TMEM258: variants seen among roughly 807,000 people sequenced by gnomAD.
TMEM258 encodes the protein transmembrane protein 258.
In TMEM258, 11 loss-of-function variants were observed where a neutral mutation model predicts 9.9. The observed-to-expected ratio is 1.11, with a 90% CI of 0.70 to 1.85. The LOEUF (loss-of-function observed/expected upper bound fraction) is 1.85, where lower values mean the gene tolerates loss of function less well. Among genes scored for constraint, TMEM258 ranks in the 40% most tolerant of loss-of-function variants. The pLI, the probability that TMEM258 is intolerant of heterozygous loss-of-function variation, is 0.00. For missense variants in TMEM258, 81 were observed against 99.7 expected, an observed-to-expected ratio of 0.81 and a Z score of 0.80; for synonymous variants, 40 against 39.1, an observed-to-expected ratio of 1.02 and a Z score of -0.09.
At chr11:61,792,437 G>A (rs999089051) in intron 1 of TMEM258, 119 bp downstream of exon 1, 59 of 1,442,618 alleles carry the variant, frequency 4.1e-5, no homozygotes, top group Admixed American at 1.0e-4. Context: ...AGCCCAAGCC[G>A]GAGGTTCCAG....
At chr11:61,792,423 C>T in intron 1 of TMEM258, 133 bp downstream of exon 1, 1 of 1,346,860 alleles carries the variant, frequency 7.4e-7, no homozygotes, top group Non-Finnish European at 1.1e-6. Flanking sequence ...CTTCCCCACC[C>T]TTCAGCCCAA....
intron 2 of TMEM258, chr11:61,790,272 C>G: frequency 3.3e-6 from 2 of 597,668 alleles, no homozygotes; most frequent in Non-Finnish European, 5.9e-6. Context: ...AGGTCCCCTG[C>G]TCACTGTCCT....
intron 2 of TMEM258, 167 bp downstream of exon 2, chr11:61,790,326 A>C: frequency 1.5e-6 from 1 of 661,806 alleles, no homozygotes. Context: ...CTTGGGAAAT[A>C]AGGCTATAAC....
chr11:61,791,348 C>T (rs1250384823), intron 1 of TMEM258: 2 of 152,016 alleles, frequency 1.3e-5, no homozygotes, highest in East Asian at 3.9e-4. Context: ...CTGCAAGCTC[C>T]GCCTTCTGGG....
At chr11:61,792,510 G>T in intron 1 of TMEM258, 46 bp downstream of exon 1, 1 of 1,613,700 alleles carries the variant, frequency 6.2e-7, no homozygotes, top group Non-Finnish European at 8.5e-7. Flanking sequence ...GTCAGACCCC[G>T]AGGGGTCCTC....
chr11:61,790,552 G>T lies in TMEM258; in HGVS notation c.54C>A (p.Phe18Leu). 2 of 1,614,154 alleles carry T rather than the reference G, an allele frequency of 1.2e-6. No individual in the cohort carries two copies. The highest frequency in any genetic ancestry group is 8.5e-7 in the Non-Finnish European group (1 of 1,180,016). Residue 18 changes from phenylalanine (F) to leucine (L), a missense_variant, in exon 2 of 4, where the codon TTC (phenylalanine) becomes TTA (leucine). Coordinates refer to ENST00000537328, the MANE Select transcript of TMEM258 (RefSeq NM_014206.4). ...RYTSPVNPAV[F>L]PHLTVVLLAI... The stretch of plus-strand genomic sequence containing the variant: ...CCAAAAGCACCACGGTCAGATGGGG[G>T]AAGACAGCTGGGTTCACTGGGCTGG...
chr11:61,790,389 A>T, intron 2 of TMEM258, 104 bp downstream of exon 2: 1 of 1,013,722 alleles, frequency 9.9e-7, no homozygotes, highest in Non-Finnish European at 1.5e-6. Flanking sequence ...TCTCAGCCCC[A>T]ATCCAATGTA....
intron 2 of TMEM258, 71 bp downstream of exon 2, chr11:61,790,421 AC>A (rs774374894): frequency 2.2e-6 from 3 of 1,366,162 alleles, no homozygotes; most frequent in Non-Finnish European, 3.1e-6. Flanking sequence ...GGGTCCATGT[AC>A]CTAGCGTGGT....
chr11:61,790,528 CAAAAGCACCACGGTCAG>C lies in TMEM258; in HGVS notation c.61_77del (p.Leu21GlyfsTer23). 2 of 1,614,134 alleles carry C rather than the reference CAAAAGCACCACGGTCAG, an allele frequency of 1.2e-6. No individual in the cohort carries two copies. Among genetic ancestry groups the C allele is most frequent in the South Asian group, 2.2e-5 (2 of 91,062 alleles). ...AGGCGGTGAAGAACATGCCAATGGC[CAAAAGCACCACGGTCAG>C]ATGGGGGAAGACAGCTGGGTTCACT... On this transcript the variant is annotated frameshift_variant, in exon 2 of 4. Coordinates refer to ENST00000537328, the MANE Select transcript of TMEM258 (RefSeq NM_014206.4). LOFTEE classifies it high-confidence loss of function.
In TMEM258 at chr11:61,792,100, G is replaced by A. The variant is rs537925132; in HGVS notation, c.3+456C>T. 1.9e-5 allele frequency: 3 copies of A among 161,940 alleles called. No individual in the cohort carries two copies. The Admixed American group carries it at 1.9e-4, about 10-fold the overall frequency. The allele number at this position is 161,940 out of a possible 1,614,324, so 10.0% of individuals were successfully genotyped here. A position where few individuals can be genotyped will look rare whatever the true frequency, so the allele number is the denominator to read the frequency against. On this transcript the variant is annotated intron_variant, in intron 1 of 3. Coordinates refer to ENST00000537328, the MANE Select transcript of TMEM258 (RefSeq NM_014206.4). ...CCCAGAGCTAGATGCGCGTCAGACGGTGGTCACTAGGAGGCGTGGCCGAAA... is the reference window on the plus strand; with the variant it reads ...CCCAGAGCTAGATGCGCGTCAGACGATGGTCACTAGGAGGCGTGGCCGAAA...
rs751349399 is a variant in TMEM258, at chr11:61,792,567, G to A, written c.-9C>T. 2.5e-6 allele frequency: 4 copies of A among 1,613,672 alleles called. No individual in the cohort carries two copies. The highest frequency in any genetic ancestry group is 3.3e-5 in the Admixed American group (2 of 60,004). On this transcript the variant is annotated 5_prime_UTR_variant, in exon 1 of 4. Transcript: ENST00000537328. ...CTCAACGCTCTCACCATTTTGCCCC[G>A]CGAAGGCTAATCCGCCGCTCCGCCA... is the stretch of plus-strand genomic sequence containing the variant.
chr11:61,789,586 A>G, intron 3 of TMEM258, 199 bp downstream of exon 3: 2 of 591,642 alleles, frequency 3.4e-6, no homozygotes, highest in Non-Finnish European at 5.6e-6. Context: ...ACTGAGAGTC[A>G]CATTTGGCTC....
intron 2 of TMEM258, chr11:61,790,236 C>T: frequency 1.7e-6 from 1 of 578,828 alleles, no homozygotes; most frequent in Non-Finnish European, 3.1e-6. Flanking sequence ...ACTGTAGCAC[C>T]CCTATTCCCC....
intron 3 of TMEM258, 105 bp downstream of exon 3, chr11:61,789,680 G>A: frequency 7.6e-7 from 1 of 1,321,620 alleles, no homozygotes; most frequent in Non-Finnish European, 1.0e-6. Context: ...TCAACCAAGG[G>A]GTCATGCTGG....
chr11:61,790,397 G>T, intron 2 of TMEM258, 96 bp downstream of exon 2: 1 of 1,095,060 alleles, frequency 9.1e-7, no homozygotes, highest in Non-Finnish European at 1.4e-6. Context: ...CCAATCCAAT[G>T]TACAAAACCG....
chr11:61,791,846 A>T (rs1196712806), intron 1 of TMEM258: 1 of 152,288 alleles, frequency 6.6e-6, no homozygotes, highest in African/African-American at 2.4e-5. Context: ...AAAGATCTGT[A>T]CAAATGTTAA....
At chr11:61,790,209 C>CTTA in intron 2 of TMEM258, 1 of 567,076 alleles carries the variant, frequency 1.8e-6, no homozygotes, top group Non-Finnish European at 3.1e-6. Context: ...TGCACCCTTC[C>CTTA]TTATACCACC....
At chr11:61,792,306 T>A in intron 1 of TMEM258, 1 of 559,312 alleles carries the variant, frequency 1.8e-6, no homozygotes, top group East Asian at 3.0e-5. Context: ...ACACCACCGA[T>A]AACAGAGATA....
At position 61,789,934 on chromosome 11, in the gene TMEM258, G is replaced by C. The variant is rs780921142; in HGVS notation, c.114-13C>G. The C allele has an allele frequency of 3.1e-6, 5 of 1,611,248 alleles. No homozygotes were observed. The East Asian group carries it at 1.1e-4, about 36-fold the overall frequency. Reference sequence around the variant, plus strand: ...GGTGACCTCGTAACTGGGCACAGCAGTTAAGGCAAAGCGAAGGGGTGGACT... The same window carrying C: ...GGTGACCTCGTAACTGGGCACAGCACTTAAGGCAAAGCGAAGGGGTGGACT... On this transcript the variant is annotated splice_polypyrimidine_tract_variant and intron_variant, in intron 2 of 3. Transcript: ENST00000537328.
Sources: allele counts gnomAD v4.1 joint callset, GRCh38; gene constraint gnomAD v4.1.1; transcripts MANE v1.5; gene names NCBI Gene and HGNC (gene_info 2026-07-23, HGNC 2026-07-21).